PDE4D: variants seen among roughly 807,000 people sequenced by gnomAD.
The protein encoded by PDE4D is 3',5'-cyclic-AMP phosphodiesterase 4D.
In PDE4D, 24 loss-of-function variants were observed where a neutral mutation model predicts 87.4. That is an observed-to-expected ratio of 0.27 (90% CI 0.20 to 0.39). PDE4D has a LOEUF of 0.39. Ranked by LOEUF, PDE4D falls within the 10% of genes least tolerant of loss-of-function variation. PDE4D has a pLI of 1.00. For synonymous variants in PDE4D, 384 were observed against 383.2 expected (o/e 1.00, Z -0.02); for missense variants, 714 against 1,041.0 (o/e 0.69, Z 4.32).
At chr5:60,013,471 T>C (rs1765211297) in intron 2 of PDE4D, among the ~76,000 whole-genome samples, 1 of 152,108 alleles carries the variant, frequency 6.6e-6, no homozygotes, top group African/African-American at 2.4e-5. Context: ...ACCTCGTGTG[T>C]GTGTGTATGC....
At chr5:59,136,674 A>G (rs1390392008) in intron 5 of PDE4D, among the ~76,000 whole-genome samples, 1 of 152,198 alleles carries the variant, frequency 6.6e-6, no homozygotes, top group African/African-American at 2.4e-5. Flanking sequence ...GAGGATATGC[A>G]AGAAACTATT....
intron 2 of PDE4D, among the ~76,000 whole-genome samples, chr5:60,056,915 C>T (rs945663562): frequency 5.9e-5 from 9 of 152,012 alleles, no homozygotes; most frequent in African/African-American, 2.2e-4. Flanking sequence ...TATTCAAGAT[C>T]AGTGTTTATG....
At chr5:60,252,373 T>C (rs1047155167) in intron 1 of PDE4D, among the ~76,000 whole-genome samples, 3 of 149,998 alleles carry the variant, frequency 2.0e-5, no homozygotes, top group African/African-American at 7.4e-5. Context: ...CAATTAATAT[T>C]CAAAATTTCA....
chr5:59,787,676 G>C (rs1054423735), intron 1 of PDE4D, among the ~76,000 whole-genome samples: 1 of 152,100 alleles, frequency 6.6e-6, no homozygotes, highest in African/African-American at 2.4e-5. Context: ...TTTTTAATGA[G>C]GAGCTTTTGA....
chr5:60,271,351 T>C (rs1750790298), intron 1 of PDE4D, among the ~76,000 whole-genome samples: 1 of 152,198 alleles, frequency 6.6e-6, no homozygotes, highest in Non-Finnish European at 1.5e-5. Flanking sequence ...TTTGGTTATA[T>C]TTTTGTTGGT....
chr5:60,410,463 C>T (rs1223339935), intron 1 of PDE4D, among the ~76,000 whole-genome samples: 2 of 152,232 alleles, frequency 1.3e-5, no homozygotes, highest in Non-Finnish European at 2.9e-5. Flanking sequence ...ATACATCAGA[C>T]TAAGACAGCT....
intron 5 of PDE4D, chr5:59,039,557 C>T: frequency 1.0e-6 from 1 of 977,318 alleles, no homozygotes; most frequent in Non-Finnish European, 1.2e-6. Flanking sequence ...AGGCGCAGCG[C>T]GGCTCCAACG....
chr5:59,036,269 TTAGAG>T (rs1388005907), intron 6 of PDE4D, among the ~76,000 whole-genome samples: 4 of 152,186 alleles, frequency 2.6e-5, no homozygotes, highest in South Asian at 4.1e-4. Flanking sequence ...TTTCAATCTA[TTAGAG>T]TAAATTTTTT....
In PDE4D at chr5:60,282,208, C is replaced by CATATATATATATATATATAT. The variant is rs140298004; in HGVS notation, c.-89-96541_-89-96522dup. Reference sequence around the variant, plus strand: ...CTTTAAAGAACAAGAGAGAAATAAACATATATATATATATATATATATATA... The same window carrying CATATATATATATATATATAT: ...CTTTAAAGAACAAGAGAGAAATAAACATATATATATATATATATATATATATATATATATATATATATATA... On this transcript the variant is annotated intron_variant, in intron 1 of 16. Coordinates refer to the PDE4D transcript ENST00000502484. Among the ~76,000 whole-genome samples, 265 of 128,328 alleles carry CATATATATATATATATATAT rather than the reference C, an allele frequency of 2.1e-3. 5 individuals are homozygous for CATATATATATATATATATAT. Among genetic ancestry groups the CATATATATATATATATATAT allele is most frequent in the African/African-American group, 5.0e-3 (176 of 35,400 alleles). 84.2% of individuals were successfully genotyped at this position (128,328 alleles called of 152,430 possible). A position where few individuals can be genotyped will look rare whatever the true frequency, so the allele number is the denominator to read the frequency against.
At chr5:59,840,103 C>A (rs1181931302) in intron 1 of PDE4D, among the ~76,000 whole-genome samples, 1 of 151,876 alleles carries the variant, frequency 6.6e-6, no homozygotes, top group Admixed American at 6.6e-5. Flanking sequence ...CTACCCAGGG[C>A]CTTTCACTTA....
In PDE4D at chr5:59,348,301, A is replaced by G. The variant is rs142745933; in HGVS notation, c.456-132333T>C. ...GGGGCAACTTATATCTACTGTATCT[A>G]TATGATAGAAACACTGTATAGAGTA... On this transcript the variant is annotated intron_variant, in intron 1 of 14. Coordinates refer to ENST00000340635, the MANE Select transcript of PDE4D (RefSeq NM_001104631.2). Among the ~76,000 whole-genome samples, 30 of 152,296 alleles carry G rather than the reference A, an allele frequency of 2.0e-4. 1 individual carries two copies. The highest frequency in any genetic ancestry group is 6.7e-4 in the African/African-American group (28 of 41,572).
chr5:60,501,759 G>A (rs182415780), intron 1 of PDE4D, among the ~76,000 whole-genome samples: 1 of 152,258 alleles, frequency 6.6e-6, no homozygotes, highest in Admixed American at 6.5e-5. Context: ...CAGTGATGGT[G>A]AGCATTTTTT....
chr5:59,413,707 A>G (rs879577592), intron 1 of PDE4D, among the ~76,000 whole-genome samples: 1 of 152,182 alleles, frequency 6.6e-6, no homozygotes, highest in African/African-American at 2.4e-5. Context: ...TTTGGAAAAG[A>G]TGTGTAAACA....
chr5:59,935,795 T>G (rs1053159592), intron 3 of PDE4D, among the ~76,000 whole-genome samples: 11 of 152,308 alleles, frequency 7.2e-5, no homozygotes, highest in African/African-American at 2.4e-4. Flanking sequence ...CTCATCATTT[T>G]TTATGGCTGC....
rs897352046 is a variant in PDE4D at position 59,225,861 on chromosome 5, G to A, written c.456-9893C>T. 4.0e-5 allele frequency among the ~76,000 whole-genome samples: 6 copies of A among 149,540 alleles called. No individual in the cohort carries two copies. In the South Asian group the frequency reaches 6.3e-4, roughly 16 times the overall value. ...AAAAAACCCAATGAAAGAAATGGAC[G>A]TTTCTCCAAAGAAGACAAAAAATGG... On this transcript the variant is annotated intron_variant, in intron 1 of 14. Transcript: ENST00000340635.
intron 1 of PDE4D, among the ~76,000 whole-genome samples, chr5:60,285,241 G>T (rs150576304): frequency 1.6e-4 from 25 of 152,126 alleles, no homozygotes; most frequent in Non-Finnish European, 2.4e-4. Flanking sequence ...AACAGATTTT[G>T]GATTCCTGGC....
chr5:59,644,673 CT>C (rs1225016538), intron 1 of PDE4D, among the ~76,000 whole-genome samples: 1 of 152,154 alleles, frequency 6.6e-6, no homozygotes, highest in African/African-American at 2.4e-5. Context: ...CCTATTTGAG[CT>C]TACAACATTT....
At chr5:59,597,412 A>G (rs1826852868) in intron 1 of PDE4D, among the ~76,000 whole-genome samples, 1 of 152,080 alleles carries the variant, frequency 6.6e-6, no homozygotes, top group African/African-American at 2.4e-5. Flanking sequence ...TCTCTGACTG[A>G]CATCTATTAC....
chr5:59,351,911 A>T (rs982882527), intron 1 of PDE4D, among the ~76,000 whole-genome samples: 2 of 152,136 alleles, frequency 1.3e-5, no homozygotes, highest in African/African-American at 4.8e-5. Flanking sequence ...ACCTCTCATT[A>T]TGGAATTTTT....
Sources: gnomAD v4.1 joint callset for allele counts (sites outside exome capture counted in the v4.1 genomes callset) on GRCh38, gnomAD v4.1.1 for gene constraint, MANE v1.5 for transcripts, NCBI Gene and HGNC (gene_info 2026-07-23, HGNC 2026-07-21) for gene names.